Variants in TCF12 observed in about 807,000 individuals in gnomAD.
The protein encoded by TCF12 is transcription factor 12.
A neutral mutation model predicts 86.0 loss-of-function variants in TCF12; 45 were observed. The ratio of observed to expected loss-of-function variants is 0.52; its 90% CI spans 0.41 to 0.67. TCF12 has a LOEUF of 0.67. Among genes scored for constraint, TCF12 ranks in the 30% least tolerant of loss-of-function variants. TCF12 has a pLI of 0.00. For missense variants in TCF12, 881 were observed against 859.9 expected, an observed-to-expected ratio of 1.02 and a Z score of -0.31; for synonymous variants, 330 against 299.6, an observed-to-expected ratio of 1.10 and a Z score of -1.05.
intron 3 of TCF12, among the ~76,000 whole-genome samples, chr15:56,977,545 CTG>C (rs762522296): frequency 2.0e-5 from 3 of 148,154 alleles, no homozygotes; most frequent in African/African-American, 7.5e-5. Context: ...ATTCGATATT[CTG>C]TGTGTGTGTG....
chr15:56,979,409 T>G (rs2062777596), intron 3 of TCF12, among the ~76,000 whole-genome samples: 1 of 152,208 alleles, frequency 6.6e-6, no homozygotes, highest in Non-Finnish European at 1.5e-5. Context: ...GTCTATACCT[T>G]GAGTCATTCA....
chr15:57,090,907 G>A (rs1225443142), intron 4 of TCF12, among the ~76,000 whole-genome samples: 4 of 152,124 alleles, frequency 2.6e-5, no homozygotes, highest in South Asian at 2.1e-4. Context: ...TAAAGAGTGC[G>A]TAAAAGTCTG....
chr15:57,223,653 T>TTTGTTTTTTTTTTG lies in TCF12; in HGVS notation c.580-7497_580-7496insGTTTTTTTTTTGTT, dbSNP rs1555400237. On this transcript the variant is annotated intron_variant, in intron 8 of 20. Coordinates refer to ENST00000333725, the MANE Select transcript of TCF12 (RefSeq NM_207037.2). ...CTGCCTACCAATGAGGTTTTTTTTTTTTTTTTTTTTTTTTTTTTAGAAATA... is the reference window on the plus strand; with the variant it reads ...CTGCCTACCAATGAGGTTTTTTTTTTTTGTTTTTTTTTTGTTTTTTTTTTTTTTTTTTAGAAATA... 1.5e-3 allele frequency among the ~76,000 whole-genome samples: 208 copies of TTTGTTTTTTTTTTG among 135,358 alleles called. 6 individuals carry two copies. The highest frequency in any genetic ancestry group is 2.7e-3 in the Admixed American group (36 of 13,412). The allele number at this position is 135,358 out of a possible 152,430, so 88.8% of individuals were successfully genotyped here.
At chr15:57,092,750 C>T (rs2049070568) in intron 5 of TCF12, among the ~76,000 whole-genome samples, 1 of 151,926 alleles carries the variant, frequency 6.6e-6, no homozygotes, top group African/African-American at 2.4e-5. Context: ...CTGTTTTTAC[C>T]AGTTATGGCA....
intron 5 of TCF12, among the ~76,000 whole-genome samples, chr15:57,132,611 G>A (rs1435902413): frequency 6.6e-6 from 1 of 152,140 alleles, no homozygotes; most frequent in African/African-American, 2.4e-5. Flanking sequence ...GAAATCTACT[G>A]GTTAAACACG....
intron 6 of TCF12, among the ~76,000 whole-genome samples, chr15:57,170,766 TA>T (rs1567559763): frequency 6.0e-4 from 9 of 15,116 alleles, no homozygotes; most frequent in African/African-American, 2.4e-3. Context: ...ATATTATATA[TA>T]TATTATATAT....
chr15:56,975,356 T>G (rs1374836723), intron 3 of TCF12, among the ~76,000 whole-genome samples: 1 of 152,174 alleles, frequency 6.6e-6, no homozygotes, highest in African/African-American at 2.4e-5. Flanking sequence ...AATTTGCTGT[T>G]AAACCTTGCA....
intron 2 of TCF12, among the ~76,000 whole-genome samples, chr15:56,920,487 C>CGTGTGTGTGTGTGTGT (rs71113033): frequency 0.011 from 1,642 of 146,928 alleles, 16 homozygotes; most frequent in African/African-American, 0.032. Context: ...CACACACACA[C>CGTGTGTGTGTGTGTGT]GTGTGTGTGT....
At chr15:56,976,596 A>G (rs1399372775) in intron 3 of TCF12, among the ~76,000 whole-genome samples, 1 of 152,050 alleles carries the variant, frequency 6.6e-6, no homozygotes, top group African/African-American at 2.4e-5. Flanking sequence ...TTTAAGCCCT[A>G]ATAAATCAAT....
intron 3 of TCF12, among the ~76,000 whole-genome samples, chr15:57,010,646 A>G (rs1234140491): frequency 6.6e-6 from 1 of 152,158 alleles, no homozygotes; most frequent in East Asian, 1.9e-4. Flanking sequence ...AAAAATAAGG[A>G]AAATTGTTAC....
intron 3 of TCF12, among the ~76,000 whole-genome samples, chr15:56,927,351 A>G (rs2060058909): frequency 1.3e-5 from 2 of 152,342 alleles, no homozygotes; most frequent in South Asian, 4.1e-4. Context: ...AAGGGGAAAA[A>G]TTAGCTTTAT....
intron 8 of TCF12, among the ~76,000 whole-genome samples, chr15:57,220,534 C>G (rs1475165386): frequency 6.6e-6 from 1 of 152,110 alleles, no homozygotes; most frequent in Non-Finnish European, 1.5e-5. Flanking sequence ...AAAGAATGCA[C>G]TGTACTTCTG....
At chr15:57,093,592 C>G (rs939312279) in intron 5 of TCF12, among the ~76,000 whole-genome samples, 3 of 152,208 alleles carry the variant, frequency 2.0e-5, no homozygotes, top group South Asian at 4.1e-4. Flanking sequence ...TAAATGAATC[C>G]TAAGAGGTAT....
intron 3 of TCF12, among the ~76,000 whole-genome samples, chr15:57,033,871 A>G (rs1772288738): frequency 6.6e-6 from 1 of 152,178 alleles, no homozygotes; most frequent in African/African-American, 2.4e-5. Context: ...ACAAATAAGA[A>G]TGGTTTAGAA....
intron 7 of TCF12, among the ~76,000 whole-genome samples, chr15:57,195,546 C>A (rs2057215037): frequency 6.6e-6 from 1 of 152,144 alleles, no homozygotes; most frequent in Non-Finnish European, 1.5e-5. Flanking sequence ...TTTGGCACTT[C>A]TGTTTTAAGG....
chr15:57,004,019 G>A (rs2064200484), intron 3 of TCF12, among the ~76,000 whole-genome samples: 1 of 152,046 alleles, frequency 6.6e-6, no homozygotes, highest in East Asian at 1.9e-4. Context: ...ATGGGCTGTT[G>A]ACCTTAACTG....
At chr15:57,274,037 G>T (rs1247665212) in intron 19 of TCF12, among the ~76,000 whole-genome samples, 1 of 152,150 alleles carries the variant, frequency 6.6e-6, no homozygotes, top group Non-Finnish European at 1.5e-5. Context: ...TCAAGCTTGA[G>T]TTTCTCCATA....
intron 3 of TCF12, among the ~76,000 whole-genome samples, chr15:56,972,847 G>C (rs2062407396): frequency 1.3e-5 from 2 of 152,144 alleles, no homozygotes; most frequent in Admixed American, 6.5e-5. Context: ...TTATGGAGGG[G>C]AGGGGAACAG....
chr15:57,032,040 TA>T (rs778947695), intron 3 of TCF12, among the ~76,000 whole-genome samples: 18 of 152,030 alleles, frequency 1.2e-4, no homozygotes, highest in Non-Finnish European at 2.2e-4. Context: ...AAGGCAGTTG[TA>T]AAAGTGACCT....
Sources: gnomAD v4.1 joint callset for allele counts (sites outside exome capture counted in the v4.1 genomes callset) on GRCh38, gnomAD v4.1.1 for gene constraint, MANE v1.5 for transcripts, NCBI Gene and HGNC (gene_info 2026-07-23, HGNC 2026-07-21) for gene names.